Variants in NTM observed in about 807,000 individuals in gnomAD.
The protein encoded by NTM is IgLON family member 2.
In NTM, 13 loss-of-function variants were observed where a neutral mutation model predicts 42.1. The observed-to-expected ratio is 0.31, with a 90% CI of 0.20 to 0.49. NTM has a LOEUF of 0.49. Ranked by LOEUF, NTM falls within the 20% of genes least tolerant of loss-of-function variation. The probability of loss-of-function intolerance (pLI) is 0.99; values close to 1 mark genes in which losing one functional copy is unlikely to be tolerated. For synonymous variants in NTM, 187 were observed against 179.2 expected (o/e 1.04, Z -0.35); for missense variants, 373 against 452.8 (o/e 0.82, Z 1.60).
At chr11:131,388,443 G>A (rs1013557342) in intron 1 of NTM, among the ~76,000 whole-genome samples, 7 of 62,982 alleles carry the variant, frequency 1.1e-4, no homozygotes, top group Non-Finnish European at 2.3e-4. Context: ...TTTTTTTTTT[G>A]CAATTCAAAT....
At chr11:131,873,940 G>A (rs2137125383) in intron 1 of NTM, among the ~76,000 whole-genome samples, 1 of 124,528 alleles carries the variant, frequency 8.0e-6, no homozygotes, top group South Asian at 2.4e-4. Flanking sequence ...AGTTTGCTGA[G>A]AATGATGGTT....
At chr11:132,070,684 C>T (rs1330182906) in intron 2 of NTM, among the ~76,000 whole-genome samples, 1 of 143,926 alleles carries the variant, frequency 6.9e-6, no homozygotes, top group African/African-American at 2.5e-5. Flanking sequence ...GCCAAGTTAA[C>T]ACGTCAAACT....
chr11:132,218,220 C>A (rs535318375), intron 4 of NTM, among the ~76,000 whole-genome samples: 1 of 152,246 alleles, frequency 6.6e-6, no homozygotes, highest in Non-Finnish European at 1.5e-5. Context: ...CAAAATGGAA[C>A]TAAAGATATC....
intron 1 of NTM, among the ~76,000 whole-genome samples, chr11:131,668,371 T>C (rs1211921526): frequency 6.6e-6 from 1 of 151,932 alleles, no homozygotes; most frequent in Non-Finnish European, 1.5e-5. Flanking sequence ...GTACTACTAA[T>C]TGTGAGTGGA....
At chr11:131,861,871 C>G (rs1489052407) in intron 1 of NTM, among the ~76,000 whole-genome samples, 1 of 152,146 alleles carries the variant, frequency 6.6e-6, no homozygotes, top group African/African-American at 2.4e-5. Flanking sequence ...GGCCTGTCTC[C>G]ACTCCACATT....
At chr11:131,651,113 C>T (rs1378057723) in intron 1 of NTM, among the ~76,000 whole-genome samples, 1 of 152,160 alleles carries the variant, frequency 6.6e-6, no homozygotes, top group Admixed American at 6.5e-5. Context: ...CGACTGTTCT[C>T]AAAAGTATTT....
intron 1 of NTM, among the ~76,000 whole-genome samples, chr11:131,775,860 G>A (rs1348836174): frequency 1.3e-5 from 2 of 152,154 alleles, no homozygotes; most frequent in African/African-American, 4.8e-5. Flanking sequence ...ATGTGGAGCC[G>A]GTGCAAGTTG....
At chr11:131,655,950 G>T (rs923769121) in intron 1 of NTM, among the ~76,000 whole-genome samples, 3 of 152,210 alleles carry the variant, frequency 2.0e-5, no homozygotes, top group Admixed American at 6.5e-5. Flanking sequence ...TGTGCCCTAG[G>T]TCCTGGGAGG....
chr11:131,795,708 G>A (rs970208850), intron 1 of NTM: 1 of 985,278 alleles, frequency 1.0e-6, no homozygotes, highest in Non-Finnish European at 1.2e-6. Context: ...TTTTCTTTCT[G>A]TGCTGGGCAT....
At chr11:131,372,766 G>A (rs1414444146) in intron 1 of NTM, among the ~76,000 whole-genome samples, 8 of 151,400 alleles carry the variant, frequency 5.3e-5, no homozygotes, top group African/African-American at 1.9e-4. Flanking sequence ...GGGCCATACT[G>A]AATTTACATA....
chr11:131,438,699 T>G (rs1949351829), intron 1 of NTM, among the ~76,000 whole-genome samples: 1 of 152,088 alleles, frequency 6.6e-6, no homozygotes, highest in South Asian at 2.1e-4. Flanking sequence ...TTTTTCAAGG[T>G]TTTTAGCTTC....
chr11:132,236,543 T>C (rs1174541277), intron 4 of NTM, among the ~76,000 whole-genome samples: 1 of 152,162 alleles, frequency 6.6e-6, no homozygotes, highest in Non-Finnish European at 1.5e-5. Flanking sequence ...GGAGCACTCA[T>C]CCACAGCAGC....
chr11:131,560,971 A>G (rs2056149055), intron 1 of NTM, among the ~76,000 whole-genome samples: 1 of 152,142 alleles, frequency 6.6e-6, no homozygotes, highest in Admixed American at 6.5e-5. Context: ...ACCTACACAT[A>G]GGGCAGCAAG....
At chr11:131,780,524 T>C (rs1436140346) in intron 1 of NTM, among the ~76,000 whole-genome samples, 1 of 152,134 alleles carries the variant, frequency 6.6e-6, no homozygotes, top group Non-Finnish European at 1.5e-5. Flanking sequence ...GAGAATCTGG[T>C]TCATTAATTC....
At chr11:131,461,629 C>T (rs949474276) in intron 1 of NTM, among the ~76,000 whole-genome samples, 1 of 152,062 alleles carries the variant, frequency 6.6e-6, no homozygotes, top group Non-Finnish European at 1.5e-5. Flanking sequence ...ATGCAGAGAA[C>T]AGTAACTATG....
rs1217937342 is a variant in NTM, at chr11:132,019,332, A to G, written c.167+107684A>G. Reference sequence around the variant, plus strand: ...TTAAGCACCGATTTAACTGCATTCCATAAATTTTGAATATGTCAAGTTGGT... The same window carrying G: ...TTAAGCACCGATTTAACTGCATTCCGTAAATTTTGAATATGTCAAGTTGGT... On this transcript the variant is annotated intron_variant, in intron 2 of 8. Transcript: ENST00000683400. 7.9e-5 allele frequency among the ~76,000 whole-genome samples: 12 copies of G among 152,094 alleles called. No homozygotes were observed. The East Asian group carries it at 1.2e-3, about 15-fold the overall frequency.
intron 1 of NTM, among the ~76,000 whole-genome samples, chr11:131,432,839 C>CCTTTTTTTTTTTTTTTTTT (rs1565494793): frequency 2.9e-5 from 2 of 68,694 alleles, no homozygotes; most frequent in Non-Finnish European, 5.2e-5. Flanking sequence ...ATTTAGCATT[C>CCTTTTTTTTTTTTTTTTTT]TTTTTTTTTT....
At chr11:131,404,562 A>C (rs2135710455) in intron 1 of NTM, among the ~76,000 whole-genome samples, 1 of 152,298 alleles carries the variant, frequency 6.6e-6, no homozygotes, top group Admixed American at 6.5e-5. Flanking sequence ...GGTGACTGCC[A>C]ATTTTACATC....
At chr11:132,102,838 C>T in intron 2 of NTM, among the ~76,000 whole-genome samples, 1 of 152,234 alleles carries the variant, frequency 6.6e-6, no homozygotes, top group East Asian at 1.9e-4. Context: ...AATCTGCAAG[C>T]TGTGTGGAGC....
Sources: gnomAD v4.1 joint callset for allele counts (sites outside exome capture counted in the v4.1 genomes callset) on GRCh38, gnomAD v4.1.1 for gene constraint, MANE v1.5 for transcripts, NCBI Gene and HGNC (gene_info 2026-07-23, HGNC 2026-07-21) for gene names.